FTO: variants seen among roughly 807,000 people sequenced by gnomAD.
FTO encodes alpha-ketoglutarate-dependent dioxygenase FTO.
In FTO, 47 loss-of-function variants were observed where a neutral mutation model predicts 63.9. The ratio of observed to expected loss-of-function variants is 0.74; its 90% confidence interval spans 0.58 to 0.94. FTO has a LOEUF of 0.94. FTO is among the 40% of genes least tolerant of loss of function. The probability of loss-of-function intolerance (pLI) is 0.00; values close to 1 mark genes in which losing one functional copy is unlikely to be tolerated. For missense variants in FTO, 562 were observed against 618.1 expected (o/e 0.91, Z 0.96); for synonymous variants, 207 against 224.4 (o/e 0.92, Z 0.69).
intron 8 of FTO, among the ~76,000 whole-genome samples, chr16:54,022,957 C>T (rs1201564981): frequency 6.6e-6 from 1 of 152,174 alleles, no homozygotes; most frequent in Non-Finnish European, 1.5e-5. Context: ...AGTTCAAAGG[C>T]ATTTGAAACG....
chr16:53,976,078 AATG>A (rs1266596596), intron 8 of FTO, among the ~76,000 whole-genome samples: 1 of 152,116 alleles, frequency 6.6e-6, no homozygotes, highest in Non-Finnish European at 1.5e-5. Flanking sequence ...GTAAAAATTT[AATG>A]ATGTCTTTCA....
Position 54,118,160 on chromosome 16 carries a change from A to T in FTO, c.*6245A>T, listed in dbSNP as rs1490688946. 1.3e-5 allele frequency: 2 copies of T among 152,128 alleles called. No homozygotes were observed. The highest frequency in any genetic ancestry group is 2.9e-5 in the Non-Finnish European group (2 of 68,026). The allele number at this position is 152,128 out of a possible 1,614,324, so 9.4% of individuals were successfully genotyped here. ...GATTCCCTTTGTTTCTGATCTGGTA[A>T]ATGCGGTAGTTTCCTGCTGAGAGAT... is the stretch of plus-strand genomic sequence containing the variant. On this transcript the variant is annotated 3_prime_UTR_variant, in exon 9 of 9. Coordinates refer to ENST00000471389, the MANE Select transcript of FTO (RefSeq NM_001080432.3).
intron 8 of FTO, among the ~76,000 whole-genome samples, chr16:54,067,639 G>C (rs142101049): frequency 6.6e-6 from 1 of 152,182 alleles, no homozygotes; most frequent in Non-Finnish European, 1.5e-5. Flanking sequence ...TCTCTAGTGA[G>C]CCTAAATATC....
At chr16:53,889,727 G>A (rs2081099736) in intron 7 of FTO, among the ~76,000 whole-genome samples, 1 of 152,028 alleles carries the variant, frequency 6.6e-6, no homozygotes, top group South Asian at 2.1e-4. Flanking sequence ...CCAGAAGTCA[G>A]GTGTGACCAG....
At chr16:53,985,623 G>A (rs2083648321) in intron 8 of FTO, among the ~76,000 whole-genome samples, 1 of 152,212 alleles carries the variant, frequency 6.6e-6, no homozygotes, top group Admixed American at 6.5e-5. Flanking sequence ...AAAATGCTGT[G>A]TGAGGTGGCA....
chr16:53,763,118 G>T (rs2077109949), intron 1 of FTO, among the ~76,000 whole-genome samples: 1 of 152,126 alleles, frequency 6.6e-6, no homozygotes. Context: ...TAATTATTTA[G>T]GAAAGGTTTG....
intron 3 of FTO, among the ~76,000 whole-genome samples, chr16:53,843,024 A>G (rs2079519361): frequency 6.6e-6 from 1 of 152,286 alleles, no homozygotes; most frequent in South Asian, 2.1e-4. Flanking sequence ...TTTCTCTGAA[A>G]ATATATTAGA....
intron 8 of FTO, among the ~76,000 whole-genome samples, chr16:54,038,308 T>C (rs1173978353): frequency 6.6e-6 from 1 of 152,168 alleles, no homozygotes; most frequent in Non-Finnish European, 1.5e-5. Flanking sequence ...AGTGGAAGCA[T>C]AGAACGTTTC....
rs1195235309 is a variant in FTO, at chr16:54,112,105, G to A, written c.*190G>A. 1 of 633,068 alleles carries A rather than the reference G, an allele frequency of 1.6e-6. No individual in the cohort carries two copies. Among genetic ancestry groups the A allele is most frequent in the African/African-American group, 1.8e-5 (1 of 54,700 alleles). 39.2% of individuals were successfully genotyped at this position (633,068 alleles called of 1,614,324 possible). A position where few individuals can be genotyped will look rare whatever the true frequency, so the allele number is the denominator to read the frequency against. Reference sequence around the variant, plus strand: ...TGTTTTAAAATGACCCTGTGTTATAGTCTGATTTGGTGTTAAACAGGACCT... The same window carrying A: ...TGTTTTAAAATGACCCTGTGTTATAATCTGATTTGGTGTTAAACAGGACCT... On this transcript the variant is annotated 3_prime_UTR_variant, in exon 9 of 9. Coordinates refer to ENST00000471389, the MANE Select transcript of FTO (RefSeq NM_001080432.3).
At position 54,004,389 on chromosome 16, in the gene FTO, C is replaced by CAAATAAAT. The variant is rs60440155; in HGVS notation, c.1364+70305_1364+70312dup. 5.3e-3 allele frequency among the ~76,000 whole-genome samples: 783 copies of CAAATAAAT among 148,580 alleles called. 6 individuals are homozygous for CAAATAAAT. The highest frequency in any genetic ancestry group is 0.018 in the African/African-American group (705 of 40,090). On this transcript the variant is annotated intron_variant, in intron 8 of 8. Transcript: ENST00000471389. ...GCCTGGGCAACAGAGCAAGACCCTG[C>CAAATAAAT]AAATAAATAAATAAATAAATAAATA... is the stretch of plus-strand genomic sequence containing the variant.
intron 8 of FTO, among the ~76,000 whole-genome samples, chr16:53,972,008 A>G (rs2083333662): frequency 6.6e-6 from 1 of 152,016 alleles, no homozygotes; most frequent in African/African-American, 2.4e-5. Flanking sequence ...GCATGTTTTA[A>G]CGACAAATGA....
intron 2 of FTO, among the ~76,000 whole-genome samples, chr16:53,812,695 C>T (rs1042895011): frequency 3.3e-5 from 5 of 152,212 alleles, no homozygotes; most frequent in Non-Finnish European, 7.4e-5. Flanking sequence ...TTGAATTTTG[C>T]TTCTACACAC....
intron 1 of FTO, among the ~76,000 whole-genome samples, chr16:53,709,203 T>C (rs749176998): frequency 2.6e-5 from 4 of 152,240 alleles, no homozygotes; most frequent in Non-Finnish European, 5.9e-5. Context: ...CTATGGACTT[T>C]TATGCTGTTT....
chr16:53,739,523 T>C (rs960960707), intron 1 of FTO, among the ~76,000 whole-genome samples: 1 of 152,112 alleles, frequency 6.6e-6, no homozygotes, highest in African/African-American at 2.4e-5. Flanking sequence ...CTACTATTAC[T>C]TTTTAGATGA....
intron 8 of FTO, among the ~76,000 whole-genome samples, chr16:54,080,349 A>G (rs1474894775): frequency 2.6e-5 from 4 of 152,216 alleles, no homozygotes; most frequent in African/African-American, 9.7e-5. Context: ...AATAGTTGTC[A>G]TTGGGCTAGT....
intron 8 of FTO, among the ~76,000 whole-genome samples, chr16:53,987,340 G>A (rs1241155879): frequency 6.6e-6 from 1 of 152,056 alleles, no homozygotes; most frequent in Non-Finnish European, 1.5e-5. Context: ...CAGCACTTTG[G>A]GAGGCCGAGA....
At chr16:53,907,133 G>A (rs1443308770) in intron 7 of FTO, among the ~76,000 whole-genome samples, 2 of 152,102 alleles carry the variant, frequency 1.3e-5, no homozygotes, top group African/African-American at 2.4e-5. Flanking sequence ...CTAAAATATA[G>A]ATGCTCCTCA....
intron 7 of FTO, among the ~76,000 whole-genome samples, chr16:53,900,608 CTTTTTTTTTTTTTT>C (rs752080961): frequency 3.3e-4 from 22 of 67,162 alleles, no homozygotes; most frequent in African/African-American, 1.2e-3. Flanking sequence ...TCATCTGCTC[CTTTTTTTTTTTTTT>C]TTTTTTTTTT....
intron 8 of FTO, among the ~76,000 whole-genome samples, chr16:54,077,040 G>A (rs959571591): frequency 3.3e-5 from 5 of 152,114 alleles, no homozygotes; most frequent in Non-Finnish European, 7.3e-5. Flanking sequence ...GGTAAGGAGC[G>A]TCATTATTAT....
Sources: allele counts gnomAD v4.1 joint callset (sites outside exome capture counted in the v4.1 genomes callset), GRCh38; gene constraint gnomAD v4.1.1; transcripts MANE v1.5; gene names NCBI Gene and HGNC (gene_info 2026-07-23, HGNC 2026-07-21).